Variants in CDH18 observed in about 807,000 individuals in gnomAD.
The protein encoded by CDH18 is cadherin-18.
CDH18 carries 31 observed loss-of-function variants against 67.9 expected under a neutral mutation model. That is an observed-to-expected ratio of 0.46 (90% CI 0.34 to 0.62). The LOEUF (loss-of-function observed/expected upper bound fraction) is 0.62, where lower values mean the gene tolerates loss of function less well. Among genes scored for constraint, CDH18 ranks in the 20% least tolerant of loss-of-function variants. The pLI is 0.01. For missense variants in CDH18, 890 were observed against 975.5 expected, an observed-to-expected ratio of 0.91 and a Z score of 1.17; for synonymous variants, 362 against 347.2, an observed-to-expected ratio of 1.04 and a Z score of -0.48.
chr5:19,837,383 T>C (rs1421147394), intron 3 of CDH18, among the ~76,000 whole-genome samples: 1 of 152,054 alleles, frequency 6.6e-6, no homozygotes, highest in Admixed American at 6.6e-5. Flanking sequence ...ATTCTGCACA[T>C]GTATCCCAGA....
intron 1 of CDH18, among the ~76,000 whole-genome samples, chr5:20,535,560 GGAAA>G (rs1756662382): frequency 6.6e-6 from 1 of 152,056 alleles, no homozygotes; most frequent in Non-Finnish European, 1.5e-5. Flanking sequence ...CCTTAAGTGT[GGAAA>G]TTAGATTTTT....
intron 2 of CDH18, among the ~76,000 whole-genome samples, chr5:19,915,738 A>G (rs1482545250): frequency 6.6e-6 from 1 of 151,964 alleles, no homozygotes; most frequent in Non-Finnish European, 1.5e-5. Flanking sequence ...GGCAACATAG[A>G]TAGATGGATA....
intron 5 of CDH18, among the ~76,000 whole-genome samples, chr5:19,692,237 T>A (rs1244976035): frequency 2.0e-5 from 3 of 152,096 alleles, no homozygotes; most frequent in Non-Finnish European, 4.4e-5. Context: ...CAACTCAAAA[T>A]GTACTAAAGA....
intron 2 of CDH18, among the ~76,000 whole-genome samples, chr5:19,930,707 T>G (rs1457982287): frequency 1.3e-5 from 2 of 152,030 alleles, no homozygotes; most frequent in East Asian, 3.9e-4. Context: ...AGGAAACAGC[T>G]GGCTGAAAAC....
intron 1 of CDH18, among the ~76,000 whole-genome samples, chr5:20,459,802 A>G (rs1049187692): frequency 9.2e-5 from 14 of 152,086 alleles, no homozygotes; most frequent in Admixed American, 4.6e-4. Context: ...AGAGTTAATT[A>G]CCTTTCCTCT....
chr5:20,272,590 A>G (rs1291642230), intron 1 of CDH18, among the ~76,000 whole-genome samples: 2 of 152,046 alleles, frequency 1.3e-5, no homozygotes, highest in Admixed American at 1.3e-4. Flanking sequence ...TTACAATAAT[A>G]ATAAACAGCC....
At chr5:20,411,791 G>C (rs968852705) in intron 1 of CDH18, among the ~76,000 whole-genome samples, 2 of 104,428 alleles carry the variant, frequency 1.9e-5, no homozygotes, top group South Asian at 5.8e-4. Context: ...ATAGCCCCCT[G>C]CCCACAAAAA....
intron 5 of CDH18, among the ~76,000 whole-genome samples, chr5:19,621,175 A>G (rs1251807408): frequency 2.0e-5 from 3 of 151,210 alleles, no homozygotes; most frequent in East Asian, 2.0e-4. Flanking sequence ...CTCATTGCAC[A>G]TAGTCAGAAG....
intron 3 of CDH18, among the ~76,000 whole-genome samples, chr5:19,790,365 T>A (rs1776232193): frequency 6.6e-6 from 1 of 152,214 alleles, no homozygotes; most frequent in Non-Finnish European, 1.5e-5. Context: ...ATTTAATGAT[T>A]TTTAGATTAT....
chr5:20,541,934 T>C (rs551586880), intron 1 of CDH18, among the ~76,000 whole-genome samples: 1 of 152,206 alleles, frequency 6.6e-6, no homozygotes, highest in East Asian at 1.9e-4. Flanking sequence ...ATCTCAAAGT[T>C]CAGGTTTTTG....
intron 2 of CDH18, among the ~76,000 whole-genome samples, chr5:19,916,045 T>C (rs1791748689): frequency 6.6e-6 from 1 of 152,170 alleles, no homozygotes; most frequent in Non-Finnish European, 1.5e-5. Flanking sequence ...TCCCTCTTTG[T>C]CTGGCACCTC....
rs182407262 is a variant in CDH18, at chr5:20,316,129, A to C, written c.-579-60624T>G. 5.5e-3 allele frequency among the ~76,000 whole-genome samples: 844 copies of C among 152,286 alleles called. 11 individuals are homozygous for C. The highest frequency in any genetic ancestry group is 0.019 in the African/African-American group (793 of 41,584). The stretch of plus-strand genomic sequence containing the variant: ...TAAGGATTAATTTTTGTTTTCAATA[A>C]GATGAGAAGAAGCTTTCAAGATTTA... On this transcript the variant is annotated intron_variant, in intron 1 of 14. Coordinates refer to the CDH18 transcript ENST00000507958.
chr5:19,491,475 T>C (rs1741452385), intron 11 of CDH18, among the ~76,000 whole-genome samples: 1 of 152,226 alleles, frequency 6.6e-6, no homozygotes. Context: ...GCTACAAATC[T>C]GGCAATGCCA....
At chr5:20,021,367 A>C (rs1209161707) in intron 2 of CDH18, among the ~76,000 whole-genome samples, 2 of 152,092 alleles carry the variant, frequency 1.3e-5, no homozygotes, top group African/African-American at 4.8e-5. Context: ...CAATGTATGA[A>C]GGACATGAGA....
At chr5:20,560,857 CA>C (rs1296913266) in intron 1 of CDH18, among the ~76,000 whole-genome samples, 1 of 151,884 alleles carries the variant, frequency 6.6e-6, no homozygotes, top group Non-Finnish European at 1.5e-5. Context: ...AAAATATTTT[CA>C]AAAGACATAT....
At chr5:19,876,635 C>A (rs999141697) in intron 2 of CDH18, among the ~76,000 whole-genome samples, 1 of 151,958 alleles carries the variant, frequency 6.6e-6, no homozygotes, top group Non-Finnish European at 1.5e-5. Context: ...TAGATCCTGA[C>A]CATTTGGAGA....
intron 2 of CDH18, among the ~76,000 whole-genome samples, chr5:20,018,773 A>C (rs1021613207): frequency 6.6e-6 from 1 of 152,018 alleles, no homozygotes; most frequent in South Asian, 2.1e-4. Context: ...AAAACCCTTA[A>C]GAGAGTTCTC....
chr5:20,022,314 A>G (rs4552602), intron 2 of CDH18, among the ~76,000 whole-genome samples: 24,738 of 152,170 alleles, frequency 0.16, 4,292 homozygotes, highest in African/African-American at 0.43. Context: ...TAAGGTTTGG[A>G]ACCTAATTTG....
At chr5:20,206,783 G>C (rs750657058) in intron 2 of CDH18, among the ~76,000 whole-genome samples, 29 of 151,834 alleles carry the variant, frequency 1.9e-4, no homozygotes, top group Non-Finnish European at 3.7e-4. Flanking sequence ...AAAAACATTA[G>C]ACAAAATTCA....
Sources: gnomAD v4.1 joint callset for allele counts (sites outside exome capture counted in the v4.1 genomes callset) on GRCh38, gnomAD v4.1.1 for gene constraint, MANE v1.5 for transcripts, NCBI Gene and HGNC (gene_info 2026-07-23, HGNC 2026-07-21) for gene names.